Variants in ZNF544 observed in about 807,000 individuals in gnomAD.
ZNF544 encodes zinc finger protein AF020591.
Under a neutral mutation model 13.5 loss-of-function variants are expected in ZNF544, and 10 were observed. That is an observed-to-expected ratio of 0.74 (90% CI 0.46 to 1.25). ZNF544 has a LOEUF of 1.25. ZNF544 is among the 50% of genes most tolerant of loss of function. The probability of loss-of-function intolerance (pLI) is 0.00; values close to 1 mark genes in which losing one functional copy is unlikely to be tolerated. For missense variants in ZNF544, 896 were observed against 845.6 expected, an observed-to-expected ratio of 1.06 and a Z score of -0.74; for synonymous variants, 323 against 300.5, an observed-to-expected ratio of 1.07 and a Z score of -0.77.
chr19:58,262,530 G>A lies in ZNF544; in HGVS notation c.1924G>A (p.Ala642Thr). The A allele has an allele frequency of 6.2e-7, 1 of 1,614,176 alleles. No individual in the cohort carries two copies. Among genetic ancestry groups the A allele is most frequent in the Non-Finnish European group, 8.5e-7 (1 of 1,180,034 alleles). Reference protein sequence around the residue: ...YKCNQCNKAFARSSYLVMHQR... With the variant: ...YKCNQCNKAFTRSSYLVMHQR... Reference sequence around the variant, plus strand: ...ATGCAATCAGTGCAATAAAGCCTTTGCAAGGAGCTCCTACCTTGTGATGCA... The same window carrying A: ...ATGCAATCAGTGCAATAAAGCCTTTACAAGGAGCTCCTACCTTGTGATGCA... Residue 642 changes from alanine (A) to threonine (T), a missense_variant, in exon 7 of 7, where the codon GCA becomes ACA. Coordinates refer to ENST00000687789, the MANE Select transcript of ZNF544 (RefSeq NM_014480.4).
intron 1 of ZNF544, 195 bp from the exon 2 acceptor site, chr19:58,229,273 A>ACTGGGTGGGACTGGGTGGG (rs2040629190): frequency 2.3e-5 from 2 of 86,192 alleles, no homozygotes; most frequent in South Asian, 5.1e-4. Flanking sequence ...GCAGGGGTGG[A>ACTGGGTGGGACTGGGTGGG]ACTGGGTGGG....
In ZNF544 at chr19:58,246,411, G is replaced by A. The variant is rs2045228761; in HGVS notation, c.144G>A (p.Glu48=). Residue 48 remains glutamate (E), a synonymous_variant, in exon 5 of 7, where the codon GAG becomes GAA. Transcript: ENST00000687789. ...LYREVTLETW[E]HIVSLGLFLS... ...GAGAGGTGACACTGGAGACCTGGGA[G>A]CATATTGTCTCCCTGGGTAAGTGGC... 2 of 1,613,970 alleles carry A rather than the reference G, an allele frequency of 1.2e-6. No homozygotes were observed. Among genetic ancestry groups the A allele is most frequent in the Non-Finnish European group, 1.7e-6 (2 of 1,180,012 alleles).
chr19:58,229,334 A>AC (rs1261256787), intron 1 of ZNF544, 134 bp from the exon 2 acceptor site: 1 of 151,226 alleles, frequency 6.6e-6, no homozygotes, highest in African/African-American at 2.4e-5. Flanking sequence ...CCCTCCCGAC[A>AC]GAGGGTGCCT....
Position 58,271,714 on chromosome 19 carries a change from G to A in ZNF544, c.245-4609G>A, listed in dbSNP as rs2050658269. Among the ~76,000 whole-genome samples the A allele has an allele frequency of 2.0e-5, 3 of 152,272 alleles. No individual in the cohort carries two copies. In the South Asian group the frequency reaches 6.2e-4, roughly 32 times the overall value. The stretch of plus-strand genomic sequence containing the variant: ...TCCCTGGTGGTTCACTTCTTATTTG[G>A]ATAACTAACAAATTATTTCAAATGT... On this transcript the variant is annotated intron_variant, in intron 5 of 6. Transcript: ENST00000595981.
intron 6 of ZNF544, chr19:58,276,511 A>T (rs1600445291): frequency 2.2e-6 from 2 of 898,234 alleles, no homozygotes; most frequent in Admixed American, 4.4e-5. Context: ...TCTGTCGCCC[A>T]GGCTGGAGTG....
chr19:58,262,751 T>A lies in ZNF544; in HGVS notation c.2145T>A (p.Pro715=). The A allele has an allele frequency of 6.3e-7, 1 of 1,590,422 alleles. No individual in the cohort carries two copies. Among genetic ancestry groups the A allele is most frequent in the East Asian group, 2.2e-5 (1 of 44,572 alleles). ...VHRRTHTGEK[P] ...GGCGGACACATACTGGAGAGAAACC[T>A]TAGGAGTGCAGTCATTGTGGGAAAG... The change falls in exon 7 of 7, where the codon CCT becomes CCA. Residue 715 remains proline (P), a synonymous_variant. Coordinates refer to ENST00000687789, the MANE Select transcript of ZNF544 (RefSeq NM_014480.4).
intron 6 of ZNF544, chr19:58,259,640 CTG>C (rs1450375565): frequency 2.0e-5 from 3 of 152,402 alleles, no homozygotes; most frequent in Non-Finnish European, 4.4e-5. Flanking sequence ...ATATCTTCTG[CTG>C]TGTCTTCTCA....
chr19:58,272,163 GAAAA>G (rs5828754), intron 5 of ZNF544, among the ~76,000 whole-genome samples: 19 of 127,992 alleles, frequency 1.5e-4, no homozygotes, highest in Admixed American at 6.5e-4. Context: ...TCCTTGACAG[GAAAA>G]AAAAAAAAAA....
chr19:58,254,783 G>T (rs1348748768), intron 6 of ZNF544, among the ~76,000 whole-genome samples: 1 of 152,138 alleles, frequency 6.6e-6, no homozygotes, highest in South Asian at 2.1e-4. Flanking sequence ...AGAGTTAATA[G>T]TACCAAGGTT....
intron 6 of ZNF544, 57 bp from the exon 7 acceptor site, chr19:58,260,794 C>G (rs2048755384): frequency 2.0e-6 from 3 of 1,464,574 alleles, no homozygotes; most frequent in Admixed American, 5.2e-5. Flanking sequence ...TCATCTCCCC[C>G]TCCCCCTCCC....
At chr19:58,266,235 A>G (rs1393946163), downstream of ZNF544, among the ~76,000 whole-genome samples, 1 of 147,284 alleles carries the variant, frequency 6.8e-6, no homozygotes, top group South Asian at 2.2e-4. Context: ...AAAAAAAAAA[A>G]GGGCTGTGTG....
chr19:58,274,911 C>T lies in ZNF544; in HGVS notation c.245-1412C>T, dbSNP rs143043648. On this transcript the variant is annotated intron_variant, in intron 5 of 6. Transcript: ENST00000595981. ...GTCCAGGAGAATGGAAAAACCCAAACGACAACTAAAACAAGCAGTAGGCAA... is the reference window on the plus strand; with the variant it reads ...GTCCAGGAGAATGGAAAAACCCAAATGACAACTAAAACAAGCAGTAGGCAA... 1.7e-3 allele frequency among the ~76,000 whole-genome samples: 266 copies of T among 152,068 alleles called. 1 individual carries two copies. Among genetic ancestry groups the T allele is most frequent in the South Asian group, 0.012 (56 of 4,824 alleles).
intron 6 of ZNF544, among the ~76,000 whole-genome samples, chr19:58,253,634 T>C (rs2046685009): frequency 6.6e-6 from 1 of 152,012 alleles, no homozygotes; most frequent in Non-Finnish European, 1.5e-5. Flanking sequence ...GAGATGGGTT[T>C]TCACTGTGTT....
rs1163273912 is a variant in ZNF544 at position 58,261,117 on chromosome 19, T to G, written c.511T>G (p.Leu171Val). The G allele has an allele frequency of 2.5e-6, 4 of 1,614,176 alleles. No individual in the cohort carries two copies. In the Admixed American group the frequency reaches 5.0e-5, roughly 20 times the overall value. Residue 171 changes from leucine (L) to valine (V), a missense_variant, in exon 7 of 7, where the codon TTA becomes GTA. By Grantham distance (32) the Leu-to-Val change is conservative (BLOSUM62 1). Transcript: ENST00000687789. ...GGGAGGTTATTCTCTACCTTCTACT[T>G]TAAGCCTTCTACCTACAACATTACC... ...LGGGYSLPST[L>V]SLLPTTLPTS...
At chr19:58,268,381 A>T (rs1337915181), downstream of ZNF544, among the ~76,000 whole-genome samples, 2 of 152,248 alleles carry the variant, frequency 1.3e-5, no homozygotes, top group East Asian at 3.8e-4. Context: ...CTTTGAAATT[A>T]CAAGTAAGAT....
At chr19:58,236,154 G>A (rs1157974559) in intron 3 of ZNF544, among the ~76,000 whole-genome samples, 2 of 152,078 alleles carry the variant, frequency 1.3e-5, no homozygotes, top group Non-Finnish European at 2.9e-5. Flanking sequence ...TGGATTGCTT[G>A]AGCCCAAGAG....
chr19:58,273,133 A>T (rs972877471), intron 5 of ZNF544, among the ~76,000 whole-genome samples: 4 of 151,716 alleles, frequency 2.6e-5, no homozygotes, highest in Admixed American at 6.6e-5. Context: ...GTAAGCCAAG[A>T]TCGCACCATT....
At chr19:58,266,690 A>T (rs1254504196), downstream of ZNF544, 4 of 151,882 alleles carry the variant, frequency 2.6e-5, no homozygotes, top group Admixed American at 2.6e-4. Flanking sequence ...TGTCCATGAA[A>T]CTCAGACTCT....
intron 3 of ZNF544, among the ~76,000 whole-genome samples, chr19:58,238,282 C>T (rs2042853249): frequency 6.6e-6 from 1 of 152,126 alleles, no homozygotes; most frequent in African/African-American, 2.4e-5. Context: ...GGAATTTGGG[C>T]TTTCTCCTAA....
Sources: allele counts gnomAD v4.1 joint callset (sites outside exome capture counted in the v4.1 genomes callset), GRCh38; gene constraint gnomAD v4.1.1; transcripts MANE v1.5; gene names NCBI Gene and HGNC (gene_info 2026-07-23, HGNC 2026-07-21).